The following CD99L2 variants were observed in gnomAD, a reference collection of about 807,000 sequenced individuals.
CD99L2 encodes CD99 molecule like 2, also known as CD99 antigen-like protein 2.
Under a neutral mutation model 27.3 loss-of-function variants are expected in CD99L2, and 24 were observed. The ratio of observed to expected loss-of-function variants is 0.88; its 90% CI spans 0.64 to 1.24. CD99L2 has a LOEUF of 1.24. CD99L2 is among the 50% of genes most tolerant of loss of function. The probability of loss-of-function intolerance (pLI) is 0.00; values close to 1 mark genes in which losing one functional copy is unlikely to be tolerated. For synonymous variants in CD99L2, 97 were observed against 87.9 expected (o/e 1.10, Z -0.58); for missense variants, 255 against 221.6 (o/e 1.15, Z -0.96).
intron 9 of CD99L2, among the ~76,000 whole-genome samples, chrX:150,774,126 ATTTT>A (rs140572195): frequency 9.0e-6 from 1 of 111,507 alleles, no homozygotes; most frequent in Non-Finnish European, 1.9e-5. Flanking sequence ...TGGGTGTAGG[ATTTT>A]TTTTAATAAT....
chrX:150,798,472 G>A (rs193010888), intron 4 of CD99L2, among the ~76,000 whole-genome samples: 1 of 110,832 alleles, frequency 9.0e-6, no homozygotes, highest in Admixed American at 9.6e-5. Context: ...TGGGAAAATT[G>A]GATAGCCACA....
chrX:150,880,677 G>A (rs1557422472), intron 1 of CD99L2, among the ~76,000 whole-genome samples: 2 of 111,623 alleles, frequency 1.8e-5, no homozygotes, highest in African/African-American at 6.5e-5. Flanking sequence ...TATTTTAACA[G>A]GTAAATCGTA....
chrX:150,865,775 G>C (rs2047050918), intron 1 of CD99L2, among the ~76,000 whole-genome samples: 1 of 112,092 alleles, frequency 8.9e-6, no homozygotes, highest in Non-Finnish European at 1.9e-5. Flanking sequence ...ATAGCAACAG[G>C]AAAAAGAAGA....
intron 1 of CD99L2, among the ~76,000 whole-genome samples, chrX:150,834,112 G>C (rs368827260): frequency 1.8e-5 from 2 of 112,002 alleles, no homozygotes; most frequent in Non-Finnish European, 3.8e-5. Context: ...CAAAGGCAAA[G>C]GAGCTTCTCA....
intron 1 of CD99L2, among the ~76,000 whole-genome samples, chrX:150,869,500 T>G (rs782369772): frequency 2.7e-5 from 3 of 112,503 alleles, no homozygotes; most frequent in South Asian, 7.3e-4. Context: ...CATATTTGTA[T>G]GTAATTCTAA....
Position 150,795,276 on chromosome X carries a change from G to C in CD99L2, c.360C>G (p.Asp120Glu), listed in dbSNP as rs1557419866. 2 of 1,211,936 alleles carry C rather than the reference G, an allele frequency of 1.7e-6. No homozygotes were observed. ...APANTLGNDF[D>E]LADALDDRND... ...TTCGATCATCCAGGGCATCAGCCAA[G>C]TCAAAATCATTTCCTTCATGGGGTC... is the stretch of plus-strand genomic sequence containing the variant. The change falls in exon 6 of 11, where the codon GAC (aspartate) becomes GAG (glutamate). Residue 120 changes from aspartate (D) to glutamate (E), a missense_variant. Asp to Glu is a conservative substitution (Grantham distance 45, BLOSUM62 2). Coordinates refer to ENST00000370377, the MANE Select transcript of CD99L2 (RefSeq NM_031462.4).
chrX:150,854,939 A>G (rs1484942485), intron 1 of CD99L2, among the ~76,000 whole-genome samples: 3 of 110,469 alleles, frequency 2.7e-5, no homozygotes, highest in East Asian at 2.8e-4. Context: ...AGCTGGTACA[A>G]TAAGGGAGGA....
chrX:150,769,720 TTCC>T (rs2043397782), intron 10 of CD99L2, among the ~76,000 whole-genome samples: 3 of 106,358 alleles, frequency 2.8e-5, no homozygotes, highest in East Asian at 8.1e-4. Flanking sequence ...CAGCAAGCCT[TTCC>T]GGACCTCCTC....
chrX:150,845,274 G>GA (rs1557421442), intron 1 of CD99L2, among the ~76,000 whole-genome samples: 1 of 111,683 alleles, frequency 9.0e-6, no homozygotes, highest in African/African-American at 3.3e-5. Flanking sequence ...GGAGTGAAGG[G>GA]AATGAAGACT....
intron 9 of CD99L2, among the ~76,000 whole-genome samples, chrX:150,770,740 G>A (rs183977165): frequency 8.9e-6 from 1 of 112,967 alleles, no homozygotes; most frequent in Non-Finnish European, 1.9e-5. Flanking sequence ...GCGGCCCGGG[G>A]GCCAGGGAGC....
rs142686054 is a variant in CD99L2, at chrX:150,876,662, A to C, written c.67+21860T>G. Among the ~76,000 whole-genome samples, 463 of 112,520 alleles carry C rather than the reference A, an allele frequency of 4.1e-3. 2 individuals carry two copies. The highest frequency in any genetic ancestry group is 7.1e-3 in the Non-Finnish European group (377 of 53,316). On this transcript the variant is annotated intron_variant, in intron 1 of 10. Transcript: ENST00000370377. ...TTTAAATCCTGCCTTTATGAAACTT[A>C]TATTCAACTAGATGAAATGGTTATC...
intron 1 of CD99L2, among the ~76,000 whole-genome samples, chrX:150,847,694 A>C (rs1176539055): frequency 1.8e-5 from 2 of 110,221 alleles, no homozygotes; most frequent in Non-Finnish European, 3.8e-5. Context: ...TGGCTCTCCA[A>C]CCTAGACCCT....
intron 9 of CD99L2, 57 bp from the exon 10 acceptor site, chrX:150,770,426 C>A: frequency 1.8e-6 from 2 of 1,086,106 alleles, no homozygotes; most frequent in East Asian, 3.0e-5. Context: ...GGTCCCCAAT[C>A]GTGACTGAGA....
chrX:150,772,416 G>T (rs2043475358), intron 9 of CD99L2, among the ~76,000 whole-genome samples: 1 of 112,718 alleles, frequency 8.9e-6, no homozygotes, highest in East Asian at 2.8e-4. Context: ...GGTCAGGACG[G>T]GGGACAGCAG....
At chrX:150,855,372 G>T (rs1223155873) in intron 1 of CD99L2, among the ~76,000 whole-genome samples, 1 of 111,651 alleles carries the variant, frequency 9.0e-6, no homozygotes, top group Admixed American at 9.5e-5. Flanking sequence ...CAGTTCCATA[G>T]GCTATGCAGG....
At chrX:150,897,523 C>A (rs947292563) in intron 1 of CD99L2, among the ~76,000 whole-genome samples, 1 of 92,339 alleles carries the variant, frequency 1.1e-5, no homozygotes, top group Non-Finnish European at 2.2e-5. Context: ...AGTACTAGGA[C>A]AAAGTGTGTG....
chrX:150,893,503 C>T (rs2047553790), intron 1 of CD99L2, among the ~76,000 whole-genome samples: 3 of 108,919 alleles, frequency 2.8e-5, no homozygotes, highest in Admixed American at 1.0e-4. Context: ...ACGGGGCCCA[C>T]TCTGCTCTTA....
At chrX:150,778,244 T>C (rs1472501959) in intron 7 of CD99L2, among the ~76,000 whole-genome samples, 1 of 110,694 alleles carries the variant, frequency 9.0e-6, no homozygotes, top group African/African-American at 3.3e-5. Flanking sequence ...TGGTGCCATT[T>C]CAGTACCTTA....
At chrX:150,852,237 T>C (rs1239379801) in intron 1 of CD99L2, among the ~76,000 whole-genome samples, 7 of 111,535 alleles carry the variant, frequency 6.3e-5, no homozygotes, top group African/African-American at 2.3e-4. Context: ...CGCTCTGTTG[T>C]GTGGAGACTT....
Sources: gnomAD v4.1 joint callset for allele counts (sites outside exome capture counted in the v4.1 genomes callset) on GRCh38, gnomAD v4.1.1 for gene constraint, MANE v1.5 for transcripts, NCBI Gene and HGNC (gene_info 2026-07-23, HGNC 2026-07-21) for gene names.